AK8: variants seen among roughly 807,000 people sequenced by gnomAD.
The protein encoded by AK8 is adenylate kinase 8.
AK8 carries 44 observed loss-of-function variants against 54.6 expected under a neutral mutation model. The observed-to-expected ratio is 0.81, with a 90% confidence interval of 0.63 to 1.04. The LOEUF (loss-of-function observed/expected upper bound fraction) is 1.04, where lower values mean the gene tolerates loss of function less well. AK8 is among the 50% of genes least tolerant of loss of function. The pLI is 0.00. For missense variants in AK8, 555 were observed against 613.6 expected, an observed-to-expected ratio of 0.90 and a Z score of 1.01; for synonymous variants, 239 against 245.6, an observed-to-expected ratio of 0.97 and a Z score of 0.25.
rs1431385011 is a variant in AK8 at position 132,791,333 on chromosome 9, T to A, written c.1121+1301A>T. On this transcript the variant is annotated intron_variant, in intron 11 of 12. Transcript: ENST00000298545. This position sits in a 1 kb window ranked among gnomAD's most constrained non-coding sequence, Gnocchi z 4.0. ...AGCATGGAGGAAACCGCCCCCATGA[T>A]CCGATCACCTCTCACCAGGTCCCTC... Among the ~76,000 whole-genome samples, 3 of 152,116 alleles carry A rather than the reference T, an allele frequency of 2.0e-5. No individual in the cohort carries two copies. Among genetic ancestry groups the A allele is most frequent in the Non-Finnish European group, 2.9e-5 (2 of 68,020 alleles).
At chr9:132,771,493 C>A (rs1314036594) in intron 11 of AK8, among the ~76,000 whole-genome samples, 1 of 152,206 alleles carries the variant, frequency 6.6e-6, no homozygotes, top group Non-Finnish European at 1.5e-5. Flanking sequence ...CTACCACAGG[C>A]TCTCAATAAG....
intron 11 of AK8, among the ~76,000 whole-genome samples, chr9:132,738,139 C>T (rs1486075129): frequency 3.9e-5 from 6 of 152,154 alleles, no homozygotes; most frequent in African/African-American, 9.6e-5. Context: ...CTGCAACCTC[C>T]GCCTCCCGGG....
intron 11 of AK8, among the ~76,000 whole-genome samples, chr9:132,761,860 CCT>C (rs766524420): frequency 2.0e-5 from 3 of 146,864 alleles, no homozygotes; most frequent in Non-Finnish European, 4.5e-5. Context: ...TTCTTTTCTT[CCT>C]CTCTCTCTCT....
At chr9:132,798,906 G>T (rs1273845420) in intron 10 of AK8, among the ~76,000 whole-genome samples, 1 of 152,148 alleles carries the variant, frequency 6.6e-6, no homozygotes, top group Non-Finnish European at 1.5e-5. Flanking sequence ...TCTCGAAGGG[G>T]AAGGAGTCCT....
At chr9:132,878,607 T>C (rs1844269387), upstream of AK8, 1 of 1,081,240 alleles carries the variant, frequency 9.2e-7, no homozygotes, top group Non-Finnish European at 1.1e-6. This position sits in a 1 kb window ranked among gnomAD's most constrained non-coding sequence, Gnocchi z 4.7. Flanking sequence ...CTTCTGGTTC[T>C]GTCAGTGCTC....
At chr9:132,778,869 GA>G (rs960595882) in intron 11 of AK8, among the ~76,000 whole-genome samples, 72 of 145,662 alleles carry the variant, frequency 4.9e-4, no homozygotes, top group East Asian at 1.2e-3. Context: ...AGTTTGAATT[GA>G]AAAAAAAAAA....
chr9:132,753,543 C>T (rs1292462795), intron 11 of AK8, among the ~76,000 whole-genome samples: 1 of 152,266 alleles, frequency 6.6e-6, no homozygotes, highest in Non-Finnish European at 1.5e-5. Flanking sequence ...CTGAAGCCAT[C>T]CCTGGACTAA....
At chr9:132,861,275 C>G (rs1843376628) in intron 4 of AK8, 1 of 152,210 alleles carries the variant, frequency 6.6e-6, no homozygotes, top group South Asian at 2.1e-4. Flanking sequence ...GGTTATGGCT[C>G]CAGGGGGTCC....
At chr9:132,792,217 ACT>A (rs1839973895) in intron 11 of AK8, among the ~76,000 whole-genome samples, 1 of 152,090 alleles carries the variant, frequency 6.6e-6, no homozygotes, top group South Asian at 2.1e-4. Flanking sequence ...GATATTCAAC[ACT>A]CTGAACAAAT....
Position 132,750,561 on chromosome 9 carries a change from A to T in AK8, c.1122-23027T>A, listed in dbSNP as rs546405009. Among the ~76,000 whole-genome samples, 3 of 152,096 alleles carry T rather than the reference A, an allele frequency of 2.0e-5. No homozygotes were observed. The East Asian group carries it at 5.8e-4, about 29-fold the overall frequency. On this transcript the variant is annotated intron_variant, in intron 11 of 12. Transcript: ENST00000298545. The stretch of plus-strand genomic sequence containing the variant: ...TCTGGGACATCCCCTCTGAGCTTTC[A>T]TTCCAGGAAAACCACGCTTTCTTCT...
intron 11 of AK8, among the ~76,000 whole-genome samples, chr9:132,774,084 G>T (rs1466616419): frequency 2.0e-5 from 3 of 152,088 alleles, no homozygotes; most frequent in African/African-American, 7.2e-5. Flanking sequence ...TTCTACTCTG[G>T]GAGGGGCTCC....
intron 11 of AK8, among the ~76,000 whole-genome samples, chr9:132,765,292 CA>C (rs61495439): frequency 0.033 from 2,055 of 62,672 alleles, 15 homozygotes; most frequent in Non-Finnish European, 0.036. Context: ...GACTCCATTT[CA>C]AAAAAAAAAA....
At chr9:132,873,485 C>T (rs1014978470) in intron 2 of AK8, among the ~76,000 whole-genome samples, 2 of 152,214 alleles carry the variant, frequency 1.3e-5, no homozygotes, top group Non-Finnish European at 2.9e-5. Flanking sequence ...ACTTTCCACT[C>T]GCTCTTGGTT....
At chr9:132,878,303 G>C (rs779656419), upstream of AK8, 2 of 1,325,152 alleles carry the variant, frequency 1.5e-6, no homozygotes, top group Non-Finnish European at 1.9e-6. This position sits in a 1 kb window ranked among gnomAD's most constrained non-coding sequence, Gnocchi z 4.7. Context: ...CGCTAGGGCC[G>C]CCGCGCCGAC....
intron 2 of AK8, among the ~76,000 whole-genome samples, chr9:132,868,961 T>G (rs1159600455): frequency 1.3e-5 from 2 of 152,184 alleles, no homozygotes; most frequent in South Asian, 4.1e-4. Flanking sequence ...GGCGGATCAC[T>G]TGAGGTCAGG....
intron 11 of AK8, among the ~76,000 whole-genome samples, chr9:132,729,668 GAATTTAGGCACTA>G (rs1187744840): frequency 3.9e-5 from 6 of 152,172 alleles, no homozygotes; most frequent in African/African-American, 1.4e-4. Context: ...TCACCAGATG[GAATTTAGGCACTA>G]AATTTAAGAG....
At chr9:132,786,585 C>G (rs1170549201) in intron 11 of AK8, among the ~76,000 whole-genome samples, 1 of 152,162 alleles carries the variant, frequency 6.6e-6, no homozygotes, top group Non-Finnish European at 1.5e-5. Context: ...AAGATGTTGA[C>G]ACTTGGTGGG....
intron 4 of AK8, among the ~76,000 whole-genome samples, chr9:132,859,340 C>G (rs214637): frequency 0.33 from 49,374 of 151,832 alleles, 9,006 homozygotes; most frequent in African/African-American, 0.49. Flanking sequence ...CTGCAGCCTC[C>G]ACCTCCCAGG....
At chr9:132,824,412 C>T (rs964225215) in intron 8 of AK8, among the ~76,000 whole-genome samples, 1 of 152,156 alleles carries the variant, frequency 6.6e-6, no homozygotes, top group African/African-American at 2.4e-5. Context: ...CGGTGGGTGC[C>T]GTGCTGGGTG....
Sources: gnomAD v4.1 joint callset for allele counts (sites outside exome capture counted in the v4.1 genomes callset) on GRCh38, gnomAD v4.1.1 for gene constraint, Gnocchi (gnomAD v3.1) non-coding constraint, MANE v1.5 for transcripts, NCBI Gene and HGNC (gene_info 2026-07-23, HGNC 2026-07-21) for gene names.